DPP10: variants seen among roughly 807,000 people sequenced by gnomAD.
The protein encoded by DPP10 is dipeptidyl peptidase like 10.
Under a neutral mutation model 120.9 loss-of-function variants are expected in DPP10, and 33 were observed. The observed-to-expected ratio is 0.27, with a 90% confidence interval of 0.21 to 0.37. DPP10 has a LOEUF of 0.37. Among genes scored for constraint, DPP10 ranks in the 10% least tolerant of loss-of-function variants. The pLI is 1.00. For synonymous variants in DPP10, 337 were observed against 326.1 expected (o/e 1.03, Z -0.36); for missense variants, 816 against 942.8 (o/e 0.87, Z 1.76).
intron 24 of DPP10, among the ~76,000 whole-genome samples, chr2:115,840,417 C>T (rs183740349): frequency 6.6e-4 from 99 of 149,530 alleles, no homozygotes; most frequent in African/African-American, 2.4e-3. Flanking sequence ...TCCCCACTCC[C>T]GGGTTCACGC....
At chr2:115,842,125 T>TCC (rs1325785453) in intron 25 of DPP10, 86 bp from the exon 26 acceptor site, 1 of 1,363,398 alleles carries the variant, frequency 7.3e-7, no homozygotes, top group East Asian at 2.4e-5. Context: ...ACTCAAAGTT[T>TCC]CCATGACGTT....
intron 1 of DPP10, among the ~76,000 whole-genome samples, chr2:114,604,084 G>C (rs941159559): frequency 1.3e-5 from 2 of 152,030 alleles, no homozygotes; most frequent in Admixed American, 1.3e-4. Context: ...ACACATAAAT[G>C]CCTTCCAAGG....
chr2:114,512,585 A>G (rs1319125644), intron 1 of DPP10, among the ~76,000 whole-genome samples: 2 of 152,238 alleles, frequency 1.3e-5, no homozygotes, highest in Non-Finnish European at 2.9e-5. Context: ...TAAATACCGC[A>G]GGCACAGATG....
intron 3 of DPP10, among the ~76,000 whole-genome samples, chr2:115,418,310 C>T (rs1399489895): frequency 2.0e-5 from 3 of 152,052 alleles, no homozygotes. Context: ...TTATTTATTG[C>T]TGTATGTATT....
chr2:114,812,047 G>A lies in DPP10; in HGVS notation c.60+369209G>A, dbSNP rs186603177. Among the ~76,000 whole-genome samples, 6 of 152,206 alleles carry A rather than the reference G, an allele frequency of 3.9e-5. No homozygotes were observed. In the East Asian group the frequency reaches 1.2e-3, roughly 29 times the overall value. On this transcript the variant is annotated intron_variant, in intron 1 of 25. Transcript: ENST00000410059. ...TATGCGAGTTTCCAACCTGAAGTCA[G>A]ATCTGTTTAAAATAAAATGAAAGCC... is the stretch of plus-strand genomic sequence containing the variant.
chr2:115,661,097 C>A (rs1216253590), intron 5 of DPP10, among the ~76,000 whole-genome samples: 3 of 151,860 alleles, frequency 2.0e-5, no homozygotes, highest in African/African-American at 7.3e-5. Flanking sequence ...TTACAGGTGC[C>A]CACCACCCCA....
At chr2:115,401,232 TG>T (rs1269367514) in intron 3 of DPP10, among the ~76,000 whole-genome samples, 2 of 152,136 alleles carry the variant, frequency 1.3e-5, no homozygotes, top group Non-Finnish European at 2.9e-5. Flanking sequence ...AGACACCTTA[TG>T]GAAACAAAGC....
intron 1 of DPP10, among the ~76,000 whole-genome samples, chr2:114,781,044 TCTCTTTTTGTACAG>T (rs1397649074): frequency 6.6e-6 from 1 of 152,152 alleles, no homozygotes; most frequent in Non-Finnish European, 1.5e-5. Context: ...TCTCCCTCTC[TCTCTTTTTGTACAG>T]CTCTTGATTG....
At chr2:115,841,078 C>A (rs1575969142) in intron 25 of DPP10, among the ~76,000 whole-genome samples, 1 of 151,844 alleles carries the variant, frequency 6.6e-6, no homozygotes, top group South Asian at 2.1e-4. Flanking sequence ...ATATTGAATT[C>A]TTTTAAAAGT....
At chr2:114,677,013 T>C (rs1402933644) in intron 1 of DPP10, among the ~76,000 whole-genome samples, 3 of 152,148 alleles carry the variant, frequency 2.0e-5, no homozygotes, top group Non-Finnish European at 4.4e-5. Flanking sequence ...GTCCGCATCA[T>C]TTGAATTGAC....
chr2:115,720,312 A>G (rs955091400), intron 7 of DPP10, among the ~76,000 whole-genome samples: 18 of 152,174 alleles, frequency 1.2e-4, no homozygotes, highest in Admixed American at 6.6e-5. Flanking sequence ...ATAAATCAAA[A>G]TAAGCACTTT....
In DPP10 at chr2:115,513,734, G is replaced by A. The variant is rs539985306; in HGVS notation, c.367-12164G>A. Among the ~76,000 whole-genome samples, 9 of 151,926 alleles carry A rather than the reference G, an allele frequency of 5.9e-5. No homozygotes were observed. The East Asian group carries it at 1.4e-3, about 23-fold the overall frequency. The stretch of plus-strand genomic sequence containing the variant: ...TTATATGTTATAACCCAATCAACAC[G>A]CTTTTATAATAATTGTTTTTATGCA... On this transcript the variant is annotated intron_variant, in intron 4 of 25. Transcript: ENST00000410059.
chr2:115,058,281 A>C (rs1706103447), intron 1 of DPP10, among the ~76,000 whole-genome samples: 1 of 5,144 alleles, frequency 1.9e-4, no homozygotes, highest in Admixed American at 1.6e-3. Flanking sequence ...AGGGACAAAA[A>C]AAAAAAAAAA....
chr2:114,657,702 A>G (rs927708675), intron 1 of DPP10, among the ~76,000 whole-genome samples: 2 of 152,244 alleles, frequency 1.3e-5, no homozygotes, highest in Non-Finnish European at 2.9e-5. Context: ...GAGCAACACC[A>G]TGAGCAGATG....
chr2:115,649,891 G>A (rs755406344), intron 5 of DPP10, among the ~76,000 whole-genome samples: 9 of 152,028 alleles, frequency 5.9e-5, no homozygotes, highest in Non-Finnish European at 1.2e-4. Context: ...CCTACAAAGA[G>A]GGCTGGCTGC....
In DPP10 at chr2:114,831,022, ATTTTTTTTTTTTTTTTTTTT is replaced by A. The variant is rs70941010; in HGVS notation, c.60+388201_60+388220del. Among the ~76,000 whole-genome samples the A allele has an allele frequency of 3.7e-4, 17 of 45,978 alleles. No homozygotes were observed. In the East Asian group the frequency reaches 6.8e-3, roughly 18 times the overall value. The allele number at this position is 45,978 out of a possible 152,430, so 30.2% of individuals were successfully genotyped here. On this transcript the variant is annotated intron_variant, in intron 1 of 25. Coordinates refer to ENST00000410059, the MANE Select transcript of DPP10 (RefSeq NM_020868.6). ...GGAATATTTAAACATCCATGCAAAGATTTTTTTTTTTTTTTTTTTTTTTTTTTTTTTTTTTTGCTAAATTT... is the reference window on the plus strand; with the variant it reads ...GGAATATTTAAACATCCATGCAAAGATTTTTTTTTTTTTTTTGCTAAATTT...
chr2:115,155,117 G>A (rs1048294168), intron 1 of DPP10, among the ~76,000 whole-genome samples: 1 of 151,284 alleles, frequency 6.6e-6, no homozygotes, highest in Non-Finnish European at 1.5e-5. Flanking sequence ...CCATTTGACC[G>A]GCTTGGTCTC....
intron 1 of DPP10, among the ~76,000 whole-genome samples, chr2:114,539,646 T>C (rs559612469): frequency 1.3e-5 from 2 of 152,208 alleles, no homozygotes; most frequent in East Asian, 3.9e-4. Flanking sequence ...CTACGTTCCA[T>C]GCACGTAGAG....
At chr2:114,814,796 C>T (rs1327768056) in intron 1 of DPP10, among the ~76,000 whole-genome samples, 7 of 152,222 alleles carry the variant, frequency 4.6e-5, no homozygotes, top group Non-Finnish European at 1.0e-4. Context: ...TTACCCACAG[C>T]GGTCCTGGCT....
Sources: gnomAD v4.1 joint callset for allele counts (sites outside exome capture counted in the v4.1 genomes callset) on GRCh38, gnomAD v4.1.1 for gene constraint, MANE v1.5 for transcripts, NCBI Gene and HGNC (gene_info 2026-07-23, HGNC 2026-07-21) for gene names.